MALRD1: variants seen among roughly 807,000 people sequenced by gnomAD.
The protein encoded by MALRD1 is MAM and LDL receptor class A domain containing 1.
A neutral mutation model predicts 242.1 loss-of-function variants in MALRD1; 247 were observed. The observed-to-expected ratio is 1.02, with a 90% confidence interval of 0.92 to 1.13. The LOEUF is 1.13. MALRD1 is among the 50% of genes most tolerant of loss of function. MALRD1 has a pLI of 0.00. For synonymous variants in MALRD1, 995 were observed against 866.6 expected (o/e 1.15, Z -2.60); for missense variants, 2,989 against 2,533.1 (o/e 1.18, Z -3.86).
At chr10:19,732,151 T>C (rs1048716314) in intron 39 of MALRD1, among the ~76,000 whole-genome samples, 1 of 152,178 alleles carries the variant, frequency 6.6e-6, no homozygotes, top group Non-Finnish European at 1.5e-5. Context: ...ACCTACTTCA[T>C]GGATAAAAAA....
chr10:19,321,729 C>T (rs760615732), intron 21 of MALRD1, among the ~76,000 whole-genome samples: 4 of 152,068 alleles, frequency 2.6e-5, no homozygotes, highest in Non-Finnish European at 2.9e-5. Flanking sequence ...TCTTTTTCTT[C>T]CATTAAACTG....
chr10:19,121,528 G>A (rs898498813), intron 5 of MALRD1, among the ~76,000 whole-genome samples: 34 of 152,188 alleles, frequency 2.2e-4, no homozygotes, highest in Admixed American at 5.9e-4. Flanking sequence ...GTCGGATCAG[G>A]AGAATGTTTT....
At chr10:19,384,204 T>C (rs1024360820) in intron 26 of MALRD1, among the ~76,000 whole-genome samples, 24 of 148,242 alleles carry the variant, frequency 1.6e-4, no homozygotes, top group African/African-American at 4.7e-4. Context: ...AATTTTTAAA[T>C]CAGGTTACCT....
intron 5 of MALRD1, among the ~76,000 whole-genome samples, chr10:19,118,944 C>T (rs1836968686): frequency 6.6e-6 from 1 of 152,118 alleles, no homozygotes; most frequent in South Asian, 2.1e-4. Flanking sequence ...GAGACATGAT[C>T]TGACCCTCAA....
intron 36 of MALRD1, among the ~76,000 whole-genome samples, chr10:19,656,521 C>T (rs1841158225): frequency 6.6e-6 from 1 of 152,090 alleles, no homozygotes; most frequent in Non-Finnish European, 1.5e-5. Context: ...CATTCATTCT[C>T]AGTATTCCTT....
chr10:19,701,420 G>A (rs1833620643), intron 38 of MALRD1, among the ~76,000 whole-genome samples: 2 of 152,118 alleles, frequency 1.3e-5, no homozygotes, highest in Admixed American at 6.5e-5. Flanking sequence ...AAAGGTATCT[G>A]ATTGAGGAAG....
intron 12 of MALRD1, among the ~76,000 whole-genome samples, chr10:19,159,929 A>G (rs1834325055): frequency 6.6e-6 from 1 of 152,248 alleles, no homozygotes; most frequent in African/African-American, 2.4e-5. Context: ...TAAAATCATA[A>G]GAATACAATT....
chr10:19,392,591 A>G (rs1846386442), intron 28 of MALRD1, among the ~76,000 whole-genome samples: 1 of 152,168 alleles, frequency 6.6e-6, no homozygotes, highest in Non-Finnish European at 1.5e-5. Context: ...CATATTACCT[A>G]TTTCTGTATT....
rs56865342 is a variant in MALRD1 at position 19,638,101 on chromosome 10, C to CAAAAAAAAAAAAAA, written c.6137+22192_6137+22205dup. Among the ~76,000 whole-genome samples the CAAAAAAAAAAAAAA allele has an allele frequency of 1.7e-4, 7 of 41,922 alleles. No individual in the cohort carries two copies. In the East Asian group the frequency reaches 4.0e-3, roughly 24 times the overall value. The allele number at this position is 41,922 out of a possible 152,430, so 27.5% of individuals were successfully genotyped here. A position where few individuals can be genotyped will look rare whatever the true frequency, so the allele number is the denominator to read the frequency against. ...GGGCAACAAGAGAGAAACTCACTCTCAAAAAAAAAAAAAAAAAAAAAAAAA... is the reference window on the plus strand; with the variant it reads ...GGGCAACAAGAGAGAAACTCACTCTCAAAAAAAAAAAAAAAAAAAAAAAAAAAAAAAAAAAAAAA... On this transcript the variant is annotated intron_variant, in intron 36 of 39. Transcript: ENST00000454679.
intron 10 of MALRD1, among the ~76,000 whole-genome samples, chr10:19,142,306 A>G (rs1369889788): frequency 6.6e-6 from 1 of 152,096 alleles, no homozygotes; most frequent in Non-Finnish European, 1.5e-5. Flanking sequence ...AATATTTATA[A>G]TGTAATCCTG....
intron 11 of MALRD1, among the ~76,000 whole-genome samples, chr10:19,149,374 G>C (rs529755455): frequency 6.6e-6 from 1 of 152,110 alleles, no homozygotes; most frequent in South Asian, 2.1e-4. Flanking sequence ...GTGTGTATGT[G>C]TGTAATTAAG....
At chr10:19,230,749 A>G (rs1838016659) in intron 18 of MALRD1, among the ~76,000 whole-genome samples, 1 of 152,192 alleles carries the variant, frequency 6.6e-6, no homozygotes, top group Non-Finnish European at 1.5e-5. Flanking sequence ...TCCATATTAT[A>G]TTAGTAATTA....
At chr10:19,117,511 A>G (rs1316391365) in intron 5 of MALRD1, among the ~76,000 whole-genome samples, 1 of 152,066 alleles carries the variant, frequency 6.6e-6, no homozygotes, top group African/African-American at 2.4e-5. Context: ...TAACTGAACT[A>G]TGACCAATAT....
At chr10:19,346,715 A>AT (rs1844142412) in intron 24 of MALRD1, among the ~76,000 whole-genome samples, 2 of 152,082 alleles carry the variant, frequency 1.3e-5, no homozygotes, top group African/African-American at 4.8e-5. Flanking sequence ...GCAATGGCAC[A>AT]GTCTCGCTCA....
intron 5 of MALRD1, among the ~76,000 whole-genome samples, chr10:19,113,816 C>CACACACACACACACAG (rs1298450507): frequency 6.8e-6 from 1 of 147,392 alleles, no homozygotes; most frequent in African/African-American, 2.5e-5. Flanking sequence ...CACACACACA[C>CACACACACACACACAG]ACACACACAC....
intron 24 of MALRD1, among the ~76,000 whole-genome samples, chr10:19,345,672 T>C (rs1418942009): frequency 3.3e-5 from 5 of 152,112 alleles, no homozygotes; most frequent in Non-Finnish European, 5.9e-5. Context: ...AGAAAATGTA[T>C]CTCTATCCTT....
chr10:19,080,070 A>G (rs983937434), intron 2 of MALRD1, among the ~76,000 whole-genome samples: 4 of 152,048 alleles, frequency 2.6e-5, no homozygotes, highest in Admixed American at 2.0e-4. Context: ...AGGGAAATGA[A>G]GGACCTCTTC....
chr10:19,057,558 C>T (rs1834704924), intron 1 of MALRD1, among the ~76,000 whole-genome samples: 1 of 152,084 alleles, frequency 6.6e-6, no homozygotes, highest in South Asian at 2.1e-4. Flanking sequence ...TATAGTACCA[C>T]AGAATTATGT....
chr10:19,119,888 G>A (rs1288793718), intron 5 of MALRD1, among the ~76,000 whole-genome samples: 1 of 152,184 alleles, frequency 6.6e-6, no homozygotes, highest in Admixed American at 6.5e-5. Context: ...TTGGAAGTTA[G>A]AAGCAAGATG....
Sources: gnomAD v4.1 joint callset for allele counts (sites outside exome capture counted in the v4.1 genomes callset) on GRCh38, gnomAD v4.1.1 for gene constraint, MANE v1.5 for transcripts, NCBI Gene and HGNC (gene_info 2026-07-23, HGNC 2026-07-21) for gene names.